Variants in EYS observed in about 807,000 individuals in gnomAD.
EYS encodes EGF-like photoreceptor maintenance factor.
Under a neutral mutation model 282.1 loss-of-function variants are expected in EYS, and 250 were observed. The ratio of observed to expected loss-of-function variants is 0.89; its 90% CI spans 0.80 to 0.98. The LOEUF (loss-of-function observed/expected upper bound fraction) is 0.98, where lower values mean the gene tolerates loss of function less well. Among genes scored for constraint, EYS ranks in the 50% least tolerant of loss-of-function variants. The pLI, the probability that EYS is intolerant of heterozygous loss-of-function variation, is 0.00. For synonymous variants in EYS, 1,355 were observed against 1,282.9 expected (o/e 1.06, Z -1.20); for missense variants, 4,016 against 3,709.0 (o/e 1.08, Z -2.15).
chr6:64,561,722 A>G (rs76956415), intron 26 of EYS, among the ~76,000 whole-genome samples: 4,604 of 152,132 alleles, frequency 0.03, 154 homozygotes, highest in East Asian at 0.11. Context: ...GATAGTAAGA[A>G]TCAATATCAT....
At chr6:65,684,844 T>A (rs1216206476) in intron 1 of EYS, among the ~76,000 whole-genome samples, 1 of 151,984 alleles carries the variant, frequency 6.6e-6, no homozygotes, top group Non-Finnish European at 1.5e-5. Flanking sequence ...GTTGTTGTTG[T>A]TTTCTCTTCT....
In EYS at chr6:64,388,703, T is replaced by C. The variant is rs749392671; in HGVS notation, c.6065A>G (p.His2022Arg). Residue 2022 changes from histidine (H) to arginine (R), a missense_variant, in exon 29 of 43, where the codon CAT becomes CGT. Physicochemically the swap from His to Arg is conservative, Grantham distance 29. Coordinates refer to ENST00000503581, the MANE Select transcript of EYS (RefSeq NM_001142800.2). Reference sequence around the variant, plus strand: ...CTATAGAAATACCTGGATTTTCCCATGAAGGTCTGGAAATCCACCAATGAA... The same window carrying C: ...CTATAGAAATACCTGGATTTTCCCACGAAGGTCTGGAAATCCACCAATGAA... ...SVFIGGFPDL[H>R]GKIQMPVPVK... 13 of 1,534,008 alleles carry C rather than the reference T, an allele frequency of 8.5e-6. No homozygotes were observed. The South Asian group carries it at 1.3e-4, about 15-fold the overall frequency.
intron 36 of EYS, among the ~76,000 whole-genome samples, chr6:63,846,225 G>A (rs955710614): frequency 3.3e-5 from 5 of 152,290 alleles, no homozygotes; most frequent in South Asian, 4.1e-4. Flanking sequence ...CAACCCTGAC[G>A]TGTATTTAGG....
chr6:63,889,869 G>A (rs1481777327), intron 35 of EYS, among the ~76,000 whole-genome samples: 1 of 151,766 alleles, frequency 6.6e-6, no homozygotes, highest in African/African-American at 2.4e-5. Flanking sequence ...GCTGTATTCA[G>A]GAGACCCATC....
chr6:65,370,055 T>C (rs1765077606), intron 8 of EYS, among the ~76,000 whole-genome samples: 1 of 151,614 alleles, frequency 6.6e-6, no homozygotes, highest in South Asian at 2.1e-4. Context: ...GGTAAGGTGA[T>C]AGATGGTCAC....
chr6:64,379,573 GT>G (rs1402264195), intron 29 of EYS: 3 of 152,060 alleles, frequency 2.0e-5, no homozygotes, highest in South Asian at 2.1e-4. Context: ...TTGTTGATTT[GT>G]TTTTGTTAGT....
intron 12 of EYS, among the ~76,000 whole-genome samples, chr6:65,201,102 C>A (rs1286186515): frequency 6.6e-6 from 1 of 152,052 alleles, no homozygotes; most frequent in South Asian, 2.1e-4. Context: ...TTGTTTACTA[C>A]AATAGAATAA....
chr6:65,080,864 T>A (rs1774213904), intron 12 of EYS, among the ~76,000 whole-genome samples: 1 of 152,164 alleles, frequency 6.6e-6, no homozygotes, highest in Non-Finnish European at 1.5e-5. Context: ...TTACATGTAC[T>A]GATGCCTTAG....
At chr6:65,416,293 T>G (rs894914695) in intron 5 of EYS, among the ~76,000 whole-genome samples, 1 of 151,912 alleles carries the variant, frequency 6.6e-6, no homozygotes, top group Admixed American at 6.6e-5. Context: ...ACATTTTTCA[T>G]AGTAATAGTA....
At chr6:63,897,260 A>G (rs1270410269) in intron 35 of EYS, among the ~76,000 whole-genome samples, 2 of 152,210 alleles carry the variant, frequency 1.3e-5, no homozygotes, top group Non-Finnish European at 2.9e-5. Context: ...AGGCTGAACA[A>G]TGGTCTTCAA....
chr6:64,085,586 A>C (rs1474030198), intron 31 of EYS, among the ~76,000 whole-genome samples: 1 of 152,152 alleles, frequency 6.6e-6, no homozygotes, highest in Non-Finnish European at 1.5e-5. Flanking sequence ...TTTTAAATCA[A>C]GAATACTTTC....
intron 22 of EYS, chr6:64,631,121 A>G (rs922265819): frequency 1.3e-5 from 2 of 152,200 alleles, no homozygotes; most frequent in African/African-American, 4.8e-5. Flanking sequence ...GGGGCATAAA[A>G]GACAAGTTGA....
chr6:64,384,096 T>C (rs1409228143), intron 29 of EYS, among the ~76,000 whole-genome samples: 2 of 152,186 alleles, frequency 1.3e-5, no homozygotes, highest in African/African-American at 4.8e-5. Flanking sequence ...CATTTCATAG[T>C]AATTTATTTT....
At chr6:64,196,271 T>C (rs1240004220) in intron 31 of EYS, among the ~76,000 whole-genome samples, 2 of 152,112 alleles carry the variant, frequency 1.3e-5, no homozygotes, top group Non-Finnish European at 2.9e-5. Flanking sequence ...TGTGGAGAAA[T>C]AGGAACGCTT....
At chr6:65,097,099 A>T (rs1275229253) in intron 12 of EYS, among the ~76,000 whole-genome samples, 1 of 151,174 alleles carries the variant, frequency 6.6e-6, no homozygotes, top group Non-Finnish European at 1.5e-5. Flanking sequence ...CCCATATCTG[A>T]TAAAGGGTTA....
chr6:64,292,953 A>C (rs975741239), intron 30 of EYS, among the ~76,000 whole-genome samples: 3 of 152,134 alleles, frequency 2.0e-5, no homozygotes, highest in Admixed American at 6.5e-5. Context: ...ACCACTATTC[A>C]ATGTATGGTT....
intron 22 of EYS, among the ~76,000 whole-genome samples, chr6:64,766,858 C>T (rs1773369313): frequency 6.6e-6 from 1 of 150,378 alleles, no homozygotes; most frequent in African/African-American, 2.4e-5. Flanking sequence ...TTACTTCTTA[C>T]CTTAAAGGAT....
rs192239929 is a variant in EYS, at chr6:65,519,467, G to A, written c.-332-23474C>T. Among the ~76,000 whole-genome samples, 156 of 148,906 alleles carry A rather than the reference G, an allele frequency of 1.0e-3. 2 individuals are homozygous for A. Among genetic ancestry groups the A allele is most frequent in the African/African-American group, 3.6e-3 (146 of 40,398 alleles). On this transcript the variant is annotated intron_variant, in intron 2 of 42. Coordinates refer to ENST00000503581, the MANE Select transcript of EYS (RefSeq NM_001142800.2). ...TTAACATCTAAATTAGTAAACAAAGGCATACCAAATACTAGATAACTAATA... is the reference window on the plus strand; with the variant it reads ...TTAACATCTAAATTAGTAAACAAAGACATACCAAATACTAGATAACTAATA...
intron 12 of EYS, among the ~76,000 whole-genome samples, chr6:65,292,916 A>G (rs1768565900): frequency 6.6e-6 from 1 of 151,770 alleles, no homozygotes; most frequent in Non-Finnish European, 1.5e-5. Context: ...TTGCAAGTCA[A>G]ATTTATAATA....
Sources: allele counts gnomAD v4.1 joint callset (sites outside exome capture counted in the v4.1 genomes callset), GRCh38; gene constraint gnomAD v4.1.1; transcripts MANE v1.5; gene names NCBI Gene and HGNC (gene_info 2026-07-23, HGNC 2026-07-21).